Variants in CNTNAP5 observed in about 807,000 individuals in gnomAD.
CNTNAP5 encodes the protein contactin associated protein family member 5.
In CNTNAP5, 72 loss-of-function variants were observed where a neutral mutation model predicts 150.2. That is an observed-to-expected ratio of 0.48 (90% CI 0.40 to 0.58). The LOEUF (loss-of-function observed/expected upper bound fraction) is 0.58. CNTNAP5 is among the 20% of genes least tolerant of loss of function. The probability of loss-of-function intolerance (pLI) is 0.00; values close to 1 mark genes in which losing one functional copy is unlikely to be tolerated. For synonymous variants in CNTNAP5, 672 were observed against 619.8 expected, an observed-to-expected ratio of 1.08 and a Z score of -1.25; for missense variants, 1,636 against 1,626.2, an observed-to-expected ratio of 1.01 and a Z score of -0.10.
At chr2:124,441,776 A>G (rs1288785311) in intron 5 of CNTNAP5, among the ~76,000 whole-genome samples, 1 of 151,966 alleles carries the variant, frequency 6.6e-6, no homozygotes, top group Non-Finnish European at 1.5e-5. Context: ...AAAGTTGTGA[A>G]CATAAGTTTA....
chr2:124,638,460 T>C (rs1678019023), intron 12 of CNTNAP5, among the ~76,000 whole-genome samples: 1 of 152,140 alleles, frequency 6.6e-6, no homozygotes, highest in Non-Finnish European at 1.5e-5. Flanking sequence ...GTTGCTTAAA[T>C]TAACTTTTTT....
chr2:124,115,373 G>T (rs1024380896), intron 1 of CNTNAP5, among the ~76,000 whole-genome samples: 1 of 151,968 alleles, frequency 6.6e-6, no homozygotes, highest in African/African-American at 2.4e-5. Context: ...TGAAACTCAG[G>T]GTATTGGAAA....
chr2:124,437,611 C>A (rs1692566866), intron 5 of CNTNAP5, among the ~76,000 whole-genome samples: 1 of 151,976 alleles, frequency 6.6e-6, no homozygotes, highest in African/African-American at 2.4e-5. Flanking sequence ...ATTTTAGTAT[C>A]TTTTAAGTAT....
At chr2:124,358,159 G>C (rs13388709) in intron 3 of CNTNAP5, among the ~76,000 whole-genome samples, 109,943 of 151,976 alleles carry the variant, frequency 0.72, 40,398 homozygotes, top group African/African-American at 0.82. Flanking sequence ...ATTTTGTATC[G>C]TGAGACTCTG....
intron 1 of CNTNAP5, among the ~76,000 whole-genome samples, chr2:124,220,993 A>C (rs1463800971): frequency 6.6e-6 from 1 of 152,132 alleles, no homozygotes; most frequent in Non-Finnish European, 1.5e-5. Context: ...CAAGACAAGC[A>C]TCTTTGCTCA....
At chr2:124,669,306 G>A (rs1341729091) in intron 13 of CNTNAP5, among the ~76,000 whole-genome samples, 1 of 152,200 alleles carries the variant, frequency 6.6e-6, no homozygotes, top group African/African-American at 2.4e-5. Flanking sequence ...AAATCCCATG[G>A]CAATACTAGG....
chr2:124,375,468 G>A (rs1462820316), intron 3 of CNTNAP5, among the ~76,000 whole-genome samples: 1 of 152,022 alleles, frequency 6.6e-6, no homozygotes, highest in Admixed American at 6.6e-5. Context: ...CTCAAACTGA[G>A]GGGCATTCTA....
intron 3 of CNTNAP5, among the ~76,000 whole-genome samples, chr2:124,264,707 C>T (rs951995194): frequency 1.8e-4 from 27 of 152,154 alleles, no homozygotes; most frequent in East Asian, 1.9e-4. Flanking sequence ...GGCTGATTCC[C>T]CTCAACCATC....
chr2:124,864,734 T>A (rs1677594266), intron 19 of CNTNAP5, among the ~76,000 whole-genome samples: 2 of 152,228 alleles, frequency 1.3e-5, no homozygotes, highest in South Asian at 4.1e-4. Flanking sequence ...TAACAGCTGT[T>A]TGAAAAACGC....
chr2:124,854,421 G>A (rs1254141979), intron 19 of CNTNAP5, among the ~76,000 whole-genome samples: 2 of 152,076 alleles, frequency 1.3e-5, no homozygotes, highest in African/African-American at 4.8e-5. Context: ...TTTTTAATCT[G>A]AGGATTTAAT....
At chr2:124,883,021 G>C (rs890246496) in intron 21 of CNTNAP5, among the ~76,000 whole-genome samples, 1 of 151,428 alleles carries the variant, frequency 6.6e-6, no homozygotes, top group Non-Finnish European at 1.5e-5. Context: ...TTAAGATGAG[G>C]TTTGGTTGGG....
intron 1 of CNTNAP5, among the ~76,000 whole-genome samples, chr2:124,218,358 AGTGGTTCAT>A (rs1670438228): frequency 6.6e-6 from 1 of 152,180 alleles, no homozygotes; most frequent in East Asian, 1.9e-4. Flanking sequence ...AGGTTGCCAA[AGTGGTTCAT>A]GTGAGACAGA....
chr2:124,070,420 G>T, intron 1 of CNTNAP5, among the ~76,000 whole-genome samples: 1 of 74,480 alleles, frequency 1.3e-5, no homozygotes, highest in African/African-American at 5.3e-5. Flanking sequence ...AAAAAAAAAA[G>T]CAAGACCCAA....
At chr2:124,091,819 G>A (rs577842501) in intron 1 of CNTNAP5, among the ~76,000 whole-genome samples, 5 of 152,250 alleles carry the variant, frequency 3.3e-5, no homozygotes, top group African/African-American at 7.2e-5. Flanking sequence ...AGGTAAAAAC[G>A]GCTAGGAGCT....
intron 3 of CNTNAP5, among the ~76,000 whole-genome samples, chr2:124,294,778 C>A (rs1039018847): frequency 3.3e-5 from 5 of 152,156 alleles, no homozygotes; most frequent in Non-Finnish European, 7.3e-5. Flanking sequence ...TGAGTACATG[C>A]CACATATATT....
At chr2:124,870,430 G>A (rs1020923687) in intron 21 of CNTNAP5, among the ~76,000 whole-genome samples, 1 of 151,230 alleles carries the variant, frequency 6.6e-6, no homozygotes, top group Non-Finnish European at 1.5e-5. Context: ...TTTCAGCTTT[G>A]TAGGTGATCT....
At chr2:124,900,946 C>A (rs1045581423) in intron 21 of CNTNAP5, among the ~76,000 whole-genome samples, 5 of 151,706 alleles carry the variant, frequency 3.3e-5, no homozygotes, top group African/African-American at 1.2e-4. Flanking sequence ...ACATCTAGTC[C>A]ATTAAAGTTT....
At chr2:124,069,388 C>G (rs969569751) in intron 1 of CNTNAP5, among the ~76,000 whole-genome samples, 9 of 152,280 alleles carry the variant, frequency 5.9e-5, no homozygotes, top group African/African-American at 2.2e-4. Context: ...GTCAGCATCT[C>G]TGGCCCTGCT....
intron 19 of CNTNAP5, among the ~76,000 whole-genome samples, chr2:124,839,585 G>A (rs573253315): frequency 4.6e-5 from 7 of 151,942 alleles, no homozygotes; most frequent in Non-Finnish European, 8.8e-5. Context: ...TTACCCTGGG[G>A]CATCCCTTCA....
Sources: gnomAD v4.1 joint callset for allele counts (sites outside exome capture counted in the v4.1 genomes callset) on GRCh38, gnomAD v4.1.1 for gene constraint, MANE v1.5 for transcripts, NCBI Gene and HGNC (gene_info 2026-07-23, HGNC 2026-07-21) for gene names.